Variants in DMXL2 observed in about 807,000 individuals in gnomAD.
The protein encoded by DMXL2 is Dmx like 2.
Under a neutral mutation model 331.1 loss-of-function variants are expected in DMXL2, and 103 were observed. That is an observed-to-expected ratio of 0.31 (90% CI 0.27 to 0.37). DMXL2 has a LOEUF of 0.37. DMXL2 is among the 10% of genes least tolerant of loss of function. The pLI is 1.00. For missense variants in DMXL2, 3,171 were observed against 3,642.9 expected (o/e 0.87, Z 3.33); for synonymous variants, 1,281 against 1,252.1 (o/e 1.02, Z -0.49).
intron 1 of DMXL2, among the ~76,000 whole-genome samples, chr15:51,578,892 C>T (rs2051222500): frequency 6.6e-6 from 1 of 152,076 alleles, no homozygotes; most frequent in African/African-American, 2.4e-5. Context: ...ATCACTTGAG[C>T]CTAGGAGTTC....
rs1485490255 is a variant in DMXL2 at position 51,622,708 on chromosome 15, C to A, written c.-163G>T. ...CCCCCCTTTCGCCTTCCCTCCGCCT[C>A]GTCCCTGCCATGGGAGCTCCTCGAC... On this transcript the variant is annotated 5_prime_UTR_variant, in exon 1 of 44. Coordinates refer to ENST00000560891, the MANE Select transcript of DMXL2 (RefSeq NM_001378457.1). 7 of 1,354,562 alleles carry A rather than the reference C, an allele frequency of 5.2e-6. No individual in the cohort carries two copies. The highest frequency in any genetic ancestry group is 6.1e-5 in the Admixed American group (2 of 32,614). 83.9% of individuals were successfully genotyped at this position (1,354,562 alleles called of 1,614,324 possible). A position where few individuals can be genotyped will look rare whatever the true frequency, so the allele number is the denominator to read the frequency against.
rs147831566 is a variant in DMXL2, at chr15:51,609,828, T to C, written c.87+12631A>G. Among the ~76,000 whole-genome samples the C allele has an allele frequency of 9.5e-3, 1,447 of 151,648 alleles. 18 individuals are homozygous for C. Among genetic ancestry groups the C allele is most frequent in the African/African-American group, 0.033 (1,371 of 41,270 alleles). On this transcript the variant is annotated intron_variant, in intron 1 of 43. Coordinates refer to ENST00000560891, the MANE Select transcript of DMXL2 (RefSeq NM_001378457.1). The stretch of plus-strand genomic sequence containing the variant: ...CCTGTAATTCCAGCTATTTGGGAGG[T>C]TGAGGCAGGAAAATCACTTAAACCC...
Position 51,480,624 on chromosome 15 carries a change from T to G in DMXL2, c.6482A>C (p.Tyr2161Ser). 3.1e-6 allele frequency: 5 copies of G among 1,607,508 alleles called. No homozygotes were observed. The highest frequency in any genetic ancestry group is 4.3e-6 in the Non-Finnish European group (5 of 1,175,212). The change falls in exon 24 of 44, where the codon TAC (tyrosine) becomes TCC (serine). Residue 2161 changes from tyrosine (Y) to serine (S), a missense_variant. By Grantham distance (144) the Tyr-to-Ser change is moderately radical (BLOSUM62 -2). This residue lies in a region of DMXL2 where 197 missense variants were observed against 196.2 expected (regional missense o/e 1.00). Coordinates refer to ENST00000560891, the MANE Select transcript of DMXL2 (RefSeq NM_001378457.1). ...NQDLLRVFLS[Y>S]CSLHGAQGGG... ...ACCTTGGGCCCCATGAAGGCTACAG[T>G]AGCTGAGAAATACTCTCAGGAGATC...
At chr15:51,475,219 C>T (rs183955663) in intron 27 of DMXL2, among the ~76,000 whole-genome samples, 5 of 152,150 alleles carry the variant, frequency 3.3e-5, no homozygotes, top group Non-Finnish European at 7.4e-5. Flanking sequence ...GGGCTGGGCA[C>T]GGTGGCTCAC....
At chr15:51,537,004 A>G (rs776520870) in intron 11 of DMXL2, 142 bp from the exon 12 acceptor site, 78 of 708,298 alleles carry the variant, frequency 1.1e-4, no homozygotes, top group Non-Finnish European at 1.5e-4. Context: ...CCCTTGCTCT[A>G]TTTAGGTAAT....
intron 1 of DMXL2, among the ~76,000 whole-genome samples, chr15:51,605,147 T>C (rs1397270035): frequency 6.6e-6 from 1 of 152,096 alleles, no homozygotes; most frequent in East Asian, 1.9e-4. Context: ...AAAAAACATC[T>C]TAGCATGATA....
chr15:51,536,491 T>C lies in DMXL2; in HGVS notation c.1989A>G (p.Pro663=), dbSNP rs137988722. ...TATGATGAGAGGATGTCAATAACAGTGGTAAAACTGAATGACATGCCAGGT... is the reference window on the plus strand; with the variant it reads ...TATGATGAGAGGATGTCAATAACAGCGGTAAAACTGAATGACATGCCAGGT... ...LNDLACHSVL[P]LLLTSSHHNA... The change falls in exon 12 of 44, where the codon CCA becomes CCG. Residue 663 remains proline, a synonymous_variant. Coordinates refer to ENST00000560891, the MANE Select transcript of DMXL2 (RefSeq NM_001378457.1). The C allele has an allele frequency of 8.7e-5, 141 of 1,613,962 alleles. No individual in the cohort carries two copies. In the African/African-American group the frequency reaches 1.5e-3, roughly 17 times the overall value.
intron 13 of DMXL2, among the ~76,000 whole-genome samples, chr15:51,532,022 C>A (rs914873778): frequency 2.6e-5 from 4 of 152,090 alleles, no homozygotes; most frequent in African/African-American, 9.7e-5. Context: ...CACTGCTGGG[C>A]ACATACCCAA....
Position 51,536,694 on chromosome 15 carries a change from A to C in DMXL2, c.1786T>G (p.Ser596Ala). Residue 596 changes from serine to alanine, a missense_variant, in exon 12 of 44, where the codon TCT becomes GCT. This residue lies in a region of DMXL2 where 1,674 missense variants were observed against 1,780.2 expected (regional missense o/e 0.94). Coordinates refer to ENST00000560891, the MANE Select transcript of DMXL2 (RefSeq NM_001378457.1). ...TTCATATGTGTACTGTGGGATCTAG[A>C]GTGTGGCTGTGATCCGTGAGGACTG... ...VGSPHGSQPH[S>A]RSHSTHMNIL... is the part of the protein sequence containing the mutation. The C allele has an allele frequency of 1.2e-6, 2 of 1,614,050 alleles. No individual in the cohort carries two copies. The highest frequency in any genetic ancestry group is 1.7e-6 in the Non-Finnish European group (2 of 1,179,994).
chr15:51,495,186 C>A (rs1567026282), intron 18 of DMXL2, 52 bp from the exon 19 acceptor site: 4 of 1,128,664 alleles, frequency 3.5e-6, no homozygotes, highest in Admixed American at 1.8e-5. Context: ...CAAGAGGCCA[C>A]AAACTGATAA....
rs775220583 is a variant in DMXL2, at chr15:51,545,740, G to C, written c.773C>G (p.Thr258Ser). 6.2e-7 allele frequency: 1 copy of C among 1,612,798 alleles called. No homozygotes were observed. The highest frequency in any genetic ancestry group is 8.5e-7 in the Non-Finnish European group (1 of 1,179,148). Residue 258 changes from threonine to serine, a missense_variant, in exon 8 of 44, where the codon ACT (threonine) becomes AGT (serine). This residue lies in a region of DMXL2 where 1,674 missense variants were observed against 1,780.2 expected (regional missense o/e 0.94). Coordinates refer to ENST00000560891, the MANE Select transcript of DMXL2 (RefSeq NM_001378457.1). ...CCGGCACACACCATCATGACATGAA[G>C]TTAACAACACATTACAGACAGAACC... is the stretch of plus-strand genomic sequence containing the variant. The part of the protein sequence containing the change: ...PRGSVCNVLL[T>S]SCHDGVCRLW...
chr15:51,551,111 C>CAA lies in DMXL2; in HGVS notation c.568-3705_568-3704dup, dbSNP rs576660847. ...TTAACAGAAGCAGAACAGATTGTAC[C>CAA]AAAAAAAAAAAAACTGCCCAACATT... On this transcript the variant is annotated intron_variant, in intron 6 of 43. Coordinates refer to ENST00000560891, the MANE Select transcript of DMXL2 (RefSeq NM_001378457.1). Among the ~76,000 whole-genome samples the CAA allele has an allele frequency of 1.3e-4, 17 of 132,918 alleles. 1 individual carries two copies. Among genetic ancestry groups the CAA allele is most frequent in the East Asian group, 4.3e-4 (2 of 4,670 alleles). 87.2% of individuals were successfully genotyped at this position (132,918 alleles called of 152,430 possible).
intron 33 of DMXL2, among the ~76,000 whole-genome samples, chr15:51,461,913 T>C (rs1033171723): frequency 1.3e-5 from 2 of 151,514 alleles, no homozygotes; most frequent in African/African-American, 2.4e-5. Context: ...AGCATCACTA[T>C]AGGAAATGCT....
At chr15:51,563,694 T>C (rs2050104196) in intron 5 of DMXL2, among the ~76,000 whole-genome samples, 1 of 152,128 alleles carries the variant, frequency 6.6e-6, no homozygotes, top group African/African-American at 2.4e-5. Context: ...TCCACCTACA[T>C]GTCCCACCAA....
chr15:51,553,491 C>T (rs1173741628), intron 6 of DMXL2, among the ~76,000 whole-genome samples: 1 of 151,978 alleles, frequency 6.6e-6, no homozygotes, highest in Non-Finnish European at 1.5e-5. Context: ...AAAAATCAAA[C>T]AATATATATG....
rs1275209575 is a variant in DMXL2 at position 51,616,442 on chromosome 15, G to C, written c.87+6017C>G. ...GTTTCATATTTACATCAAATTCCAG[G>C]ATTACATGAGCTATCTTTAAGAGAG... On this transcript the variant is annotated intron_variant, in intron 1 of 43. Coordinates refer to ENST00000560891, the MANE Select transcript of DMXL2 (RefSeq NM_001378457.1). 3.9e-5 allele frequency among the ~76,000 whole-genome samples: 6 copies of C among 152,212 alleles called. No individual in the cohort carries two copies. In the South Asian group the frequency reaches 6.2e-4, roughly 16 times the overall value.
intron 1 of DMXL2, among the ~76,000 whole-genome samples, chr15:51,594,558 A>G (rs2052645046): frequency 6.6e-6 from 1 of 152,200 alleles, no homozygotes; most frequent in African/African-American, 2.4e-5. Context: ...TCCCTAACTC[A>G]TTTTATGAGG....
intron 1 of DMXL2, among the ~76,000 whole-genome samples, chr15:51,598,812 G>C (rs1004210977): frequency 6.6e-6 from 1 of 152,162 alleles, no homozygotes; most frequent in Admixed American, 6.5e-5. Flanking sequence ...AATGCAGATA[G>C]TATCTTCCAG....
chr15:51,604,846 C>A (rs2053470950), intron 1 of DMXL2, among the ~76,000 whole-genome samples: 1 of 151,964 alleles, frequency 6.6e-6, no homozygotes, highest in African/African-American at 2.4e-5. Context: ...TAAGACTTAC[C>A]ATAAAGTCAA....
Sources: allele counts gnomAD v4.1 joint callset (sites outside exome capture counted in the v4.1 genomes callset), GRCh38; gene constraint gnomAD v4.1.1; regional missense constraint gnomAD v4.1.1; transcripts MANE v1.5; gene names NCBI Gene and HGNC (gene_info 2026-07-23, HGNC 2026-07-21).